The following KCNB2 variants were observed in gnomAD, a reference collection of about 807,000 sequenced individuals.
KCNB2 encodes the protein delayed rectifier potassium channel protein.
In KCNB2, 15 loss-of-function variants were observed where a neutral mutation model predicts 61.5. That is an observed-to-expected ratio of 0.24 (90% confidence interval 0.16 to 0.38). KCNB2 has a LOEUF of 0.38. Ranked by LOEUF, KCNB2 falls within the 10% of genes least tolerant of loss-of-function variation. The pLI is 1.00. For synonymous variants in KCNB2, 457 were observed against 446.0 expected (o/e 1.02, Z -0.31); for missense variants, 828 against 1,125.2 (o/e 0.74, Z 3.78).
At chr8:72,617,916 G>A (rs1805647080) in intron 2 of KCNB2, among the ~76,000 whole-genome samples, 1 of 152,192 alleles carries the variant, frequency 6.6e-6, no homozygotes, top group South Asian at 2.1e-4. Context: ...AGCGGCGTCT[G>A]AAGCTCTTTA....
chr8:72,670,738 C>G (rs1806549745), intron 2 of KCNB2, among the ~76,000 whole-genome samples: 2 of 152,198 alleles, frequency 1.3e-5, no homozygotes, highest in Admixed American at 1.3e-4. Flanking sequence ...TAAGGTATAT[C>G]TCCCAGGAAT....
intron 2 of KCNB2, among the ~76,000 whole-genome samples, chr8:72,761,174 A>G (rs984529718): frequency 2.0e-5 from 3 of 152,218 alleles, no homozygotes; most frequent in Non-Finnish European, 2.9e-5. Context: ...TACATAGTCC[A>G]GAACAGAGGT....
rs71525178 is a variant in KCNB2 at position 72,628,202 on chromosome 8, C to T, written c.579+59889C>T. ...CTCCTGGCCTCATGTCATCTGCCCG[C>T]CTTGACCACCCAAAGTGCTGGGATT... On this transcript the variant is annotated intron_variant, in intron 2 of 2. Transcript: ENST00000523207. Among the ~76,000 whole-genome samples, 1,324 of 152,292 alleles carry T rather than the reference C, an allele frequency of 8.7e-3. 10 individuals are homozygous for T. Among genetic ancestry groups the T allele is most frequent in the Non-Finnish European group, 0.013 (890 of 68,024 alleles).
At position 72,654,160 on chromosome 8, in the gene KCNB2, C is replaced by T. The variant is rs1315833002; in HGVS notation, c.579+85847C>T. Among the ~76,000 whole-genome samples, 4 of 152,172 alleles carry T rather than the reference C, an allele frequency of 2.6e-5. No individual in the cohort carries two copies. The South Asian group carries it at 6.2e-4, about 24-fold the overall frequency. On this transcript the variant is annotated intron_variant, in intron 2 of 2. Transcript: ENST00000523207. Reference sequence around the variant, plus strand: ...CAACTAGTAAGGGGCAAAGCCAGGACTCCACTGGGCTCTGACTTCAGGTTT... The same window carrying T: ...CAACTAGTAAGGGGCAAAGCCAGGATTCCACTGGGCTCTGACTTCAGGTTT...
intron 2 of KCNB2, among the ~76,000 whole-genome samples, chr8:72,882,300 G>C (rs1805723403): frequency 6.6e-6 from 1 of 152,108 alleles, no homozygotes; most frequent in Non-Finnish European, 1.5e-5. Context: ...TAAAGGAACT[G>C]GAAAAACTCA....
At chr8:72,932,363 T>C (rs1484733214) in intron 2 of KCNB2, among the ~76,000 whole-genome samples, 1 of 152,224 alleles carries the variant, frequency 6.6e-6, no homozygotes, top group Admixed American at 6.5e-5. Context: ...CCTGAAGACC[T>C]TCCTCTGGAG....
intron 2 of KCNB2, among the ~76,000 whole-genome samples, chr8:72,808,321 T>C (rs1809255904): frequency 6.6e-6 from 1 of 152,232 alleles, no homozygotes; most frequent in South Asian, 2.1e-4. Context: ...TGAATATTTT[T>C]TGAAGCTTCA....
intron 2 of KCNB2, among the ~76,000 whole-genome samples, chr8:72,919,847 A>G (rs1806473661): frequency 2.6e-5 from 4 of 152,160 alleles, no homozygotes. Context: ...TGCTTTGATA[A>G]TCAGATATTA....
At chr8:72,890,325 G>A (rs577903333) in intron 2 of KCNB2, among the ~76,000 whole-genome samples, 3,667 of 152,314 alleles carry the variant, frequency 0.024, 152 homozygotes, top group African/African-American at 0.083. Flanking sequence ...GCAGTACAAA[G>A]GGTGTGGCAG....
At chr8:72,647,726 GA>G (rs1443517630) in intron 2 of KCNB2, among the ~76,000 whole-genome samples, 1 of 152,092 alleles carries the variant, frequency 6.6e-6, no homozygotes, top group African/African-American at 2.4e-5. Context: ...CAAAAGAAGA[GA>G]AAAATTACAA....
At chr8:72,816,834 C>T (rs1336203077) in intron 2 of KCNB2, among the ~76,000 whole-genome samples, 5 of 152,278 alleles carry the variant, frequency 3.3e-5, no homozygotes, top group East Asian at 1.9e-4. Flanking sequence ...CCTCCACTGC[C>T]GTTTCTTGCA....
intron 2 of KCNB2, among the ~76,000 whole-genome samples, chr8:72,708,141 G>T (rs1335457450): frequency 6.6e-6 from 1 of 152,184 alleles, no homozygotes; most frequent in Non-Finnish European, 1.5e-5. Flanking sequence ...ATGCTGGAGT[G>T]CAAAGGAACC....
intron 2 of KCNB2, among the ~76,000 whole-genome samples, chr8:72,590,354 C>CT (rs200618641): frequency 2.1e-4 from 32 of 151,228 alleles, no homozygotes; most frequent in East Asian, 1.9e-4. Flanking sequence ...TCCCTGCTGC[C>CT]TTTTTTTTTC....
chr8:72,849,780 C>T (rs772257819), intron 2 of KCNB2, among the ~76,000 whole-genome samples: 1 of 152,200 alleles, frequency 6.6e-6, no homozygotes, highest in Non-Finnish European at 1.5e-5. Context: ...TGCAAGGTAT[C>T]TGTGTCATCC....
chr8:72,907,301 G>C (rs1348734217), intron 2 of KCNB2, among the ~76,000 whole-genome samples: 1 of 152,116 alleles, frequency 6.6e-6, no homozygotes, highest in Non-Finnish European at 1.5e-5. Flanking sequence ...ATGTTGCAGT[G>C]AGCCAAGATC....
At chr8:72,619,336 C>G (rs550774105) in intron 2 of KCNB2, 1 of 592,486 alleles carries the variant, frequency 1.7e-6, no homozygotes, top group African/African-American at 1.9e-5. Context: ...ATGAGAAGGT[C>G]TTGAAGAGGC....
At chr8:72,780,147 C>T (rs560714519) in intron 2 of KCNB2, among the ~76,000 whole-genome samples, 4 of 152,282 alleles carry the variant, frequency 2.6e-5, no homozygotes, top group South Asian at 2.1e-4. Context: ...AAATACTTTA[C>T]GCTGCCCTCT....
chr8:72,812,716 CT>C (rs1263331456), intron 2 of KCNB2, among the ~76,000 whole-genome samples: 1 of 151,866 alleles, frequency 6.6e-6, no homozygotes, highest in Non-Finnish European at 1.5e-5. Context: ...TCAATCCATC[CT>C]TGTATTTCTG....
rs567364743 is a variant in KCNB2 at position 72,629,986 on chromosome 8, C to T, written c.579+61673C>T. Among the ~76,000 whole-genome samples, 75 of 152,292 alleles carry T rather than the reference C, an allele frequency of 4.9e-4. 1 individual carries two copies. The South Asian group carries it at 0.015, about 29-fold the overall frequency. On this transcript the variant is annotated intron_variant, in intron 2 of 2. Transcript: ENST00000523207. ...TATTAAGATGCCATCTTGCCTTACT[C>T]GTATAGCAAGCAGACCTATTTGAAG...
Sources: gnomAD v4.1 joint callset for allele counts (sites outside exome capture counted in the v4.1 genomes callset) on GRCh38, gnomAD v4.1.1 for gene constraint, MANE v1.5 for transcripts, NCBI Gene and HGNC (gene_info 2026-07-23, HGNC 2026-07-21) for gene names.